Variants in NPC1 observed in about 807,000 individuals in gnomAD.
NPC1 encodes the protein Niemann-Pick C1 protein.
A neutral mutation model predicts 140.4 loss-of-function variants in NPC1; 85 were observed. The observed-to-expected ratio is 0.61, with a 90% CI of 0.51 to 0.72. NPC1 has a LOEUF of 0.72. Among genes scored for constraint, NPC1 ranks in the 30% least tolerant of loss-of-function variants. The pLI is 0.00. For synonymous variants in NPC1, 656 were observed against 624.8 expected (o/e 1.05, Z -0.74); for missense variants, 1,504 against 1,623.8 (o/e 0.93, Z 1.27).
chr18:23,582,022 C>T (rs1315315180), intron 1 of NPC1: 1 of 152,074 alleles, frequency 6.6e-6, no homozygotes, highest in African/African-American at 2.4e-5. Context: ...TTGTTTTGGA[C>T]TAGTCAAGTG....
intron 9 of NPC1, 55 bp from the exon 10 acceptor site, chr18:23,551,782 G>C: frequency 8.7e-7 from 1 of 1,153,636 alleles, no homozygotes; most frequent in Non-Finnish European, 1.3e-6. Flanking sequence ...AGACATCAGG[G>C]ACCTAAACAT....
chr18:23,557,761 A>G (rs575627843), intron 6 of NPC1, among the ~76,000 whole-genome samples: 125 of 152,136 alleles, frequency 8.2e-4, no homozygotes, highest in Non-Finnish European at 1.6e-3. Context: ...ACAAACAAAC[A>G]AAAACATGCT....
rs1289797529 is a variant in NPC1 at position 23,562,339 on chromosome 18, T to C, written c.464-812A>G. Reference sequence around the variant, plus strand: ...AAAACCCCTAATACTGTTATCTTTTTGGATTTTATTTTCTTACACATACAC... The same window carrying C: ...AAAACCCCTAATACTGTTATCTTTTCGGATTTTATTTTCTTACACATACAC... On this transcript the variant is annotated intron_variant, in intron 4 of 24. Transcript: ENST00000269228. Among the ~76,000 whole-genome samples the C allele has an allele frequency of 2.6e-5, 4 of 151,976 alleles. No individual in the cohort carries two copies. The East Asian group carries it at 7.7e-4, about 29-fold the overall frequency.
At position 23,533,226 on chromosome 18, in the gene NPC1, CAGTATCATTTATCA is replaced by C. The variant is rs1415956368; in HGVS notation, c.3754+115_3754+128del. ...TTCTTTTAGAAGAAATTTTTTTACTCAGTATCATTTATCATTATCAAATGACCATTAGTATGAGT... is the reference window on the plus strand; with the variant it reads ...TTCTTTTAGAAGAAATTTTTTTACTCTTATCAAATGACCATTAGTATGAGT... On this transcript the variant is annotated intron_variant, in intron 24 of 24. Transcript: ENST00000269228. 15 of 1,044,694 alleles carry C rather than the reference CAGTATCATTTATCA, an allele frequency of 1.4e-5. No individual in the cohort carries two copies. In the African/African-American group the frequency reaches 2.4e-4, roughly 17 times the overall value. 64.7% of individuals were successfully genotyped at this position (1,044,694 alleles called of 1,614,324 possible).
At chr18:23,543,418 C>T in intron 14 of NPC1, 37 bp downstream of exon 14, 1 of 1,162,396 alleles carries the variant, frequency 8.6e-7, no homozygotes, top group Non-Finnish European at 1.3e-6. Flanking sequence ...CCAGGCTCAG[C>T]AGACTACAGG....
chr18:23,541,179 G>T lies in NPC1; in HGVS notation c.2403C>A (p.Val801=), dbSNP rs2058708406. 6.2e-7 allele frequency: 1 copy of T among 1,614,076 alleles called. No homozygotes were observed. The highest frequency in any genetic ancestry group is 1.3e-5 in the African/African-American group (1 of 74,948). The change falls in exon 16 of 25, where the codon GTC becomes GTA. Residue 801 remains valine, a synonymous_variant. Transcript: ENST00000269228. ...CGCTTGTTCCATCTTCAGCACCTCT[G>T]ACACAGCAAAAGATGTCTAGCCGAT... The part of the protein sequence containing the change: ...EKNRLDIFCC[V]RGAEDGTSVQ...
intron 3 of NPC1, chr18:23,516,081 G>T: frequency 4.4e-6 from 7 of 1,586,290 alleles, no homozygotes; most frequent in South Asian, 1.1e-5. Context: ...GGCACGTTAG[G>T]GACAGGTTCC....
rs991001948 is a variant in NPC1 at position 23,532,092 on chromosome 18, G to A, written c.*110C>T. 18 of 1,612,242 alleles carry A rather than the reference G, an allele frequency of 1.1e-5. No individual in the cohort carries two copies. The highest frequency in any genetic ancestry group is 1.7e-4 in the Middle Eastern group (1 of 5,780). On this transcript the variant is annotated 3_prime_UTR_variant, in exon 25 of 25. Coordinates refer to ENST00000269228, the MANE Select transcript of NPC1 (RefSeq NM_000271.5). ...CGTTCAAAGCTGCTGCCAAACAACC[G>A]ATGGTTGGCACCATCCGGTGTTCAA...
rs1410662516 is a variant in NPC1, at chr18:23,534,467, T to C, written c.3570A>G (p.Ala1190=). Residue 1190 remains alanine (A), a synonymous_variant, in exon 23 of 25, where the codon GCA becomes GCG. Transcript: ENST00000269228. The part of the protein sequence containing the change: ...KGSRVERAEE[A]LAHMGSSVFS... ...TCACGGAGCTGCCCATGTGGGCAAGTGCCTCTTCCGCGCGCTCCACGCGGC... is the reference window on the plus strand; with the variant it reads ...TCACGGAGCTGCCCATGTGGGCAAGCGCCTCTTCCGCGCGCTCCACGCGGC... The C allele has an allele frequency of 6.2e-7, 1 of 1,613,720 alleles. No homozygotes were observed. Among genetic ancestry groups the C allele is most frequent in the Non-Finnish European group, 8.5e-7 (1 of 1,179,932 alleles).
chr18:23,572,262 C>T, intron 2 of NPC1, 82 bp from the exon 3 acceptor site: 1 of 878,574 alleles, frequency 1.1e-6, no homozygotes, highest in Admixed American at 1.8e-5. Context: ...AAGACACATT[C>T]ATTCATGTAA....
chr18:23,516,849 C>A (rs1426112654), intron 3 of NPC1, among the ~76,000 whole-genome samples: 1 of 151,810 alleles, frequency 6.6e-6, no homozygotes, highest in Non-Finnish European at 1.5e-5. Flanking sequence ...CTTCAGCCTC[C>A]CAAGTAGCTG....
chr18:23,582,000 A>G (rs1290740843), intron 1 of NPC1: 1 of 151,886 alleles, frequency 6.6e-6, no homozygotes, highest in Non-Finnish European at 1.5e-5. Context: ...TCTTTTTTTT[A>G]CTACTTACTT....
At chr18:23,542,765 T>A (rs2058729937) in intron 14 of NPC1, among the ~76,000 whole-genome samples, 1 of 152,190 alleles carries the variant, frequency 6.6e-6, no homozygotes, top group African/African-American at 2.4e-5. Context: ...GCCTGTGGAT[T>A]TGGGAGCTGC....
intron 24 of NPC1, chr18:23,532,981 T>C (rs909049053): frequency 9.2e-6 from 9 of 979,094 alleles, no homozygotes; most frequent in Middle Eastern, 1.0e-3. Context: ...ATGAGGGACA[T>C]AAAAAGCTGT....
intron 3 of NPC1, chr18:23,509,348 C>T (rs1241107380): frequency 1.3e-5 from 8 of 593,192 alleles, no homozygotes; most frequent in Non-Finnish European, 2.1e-5. Flanking sequence ...CTTTTGAATT[C>T]AGTACTGAAT....
At chr18:23,542,858 A>C (rs1198439372) in intron 14 of NPC1, among the ~76,000 whole-genome samples, 2 of 152,194 alleles carry the variant, frequency 1.3e-5, no homozygotes, top group Non-Finnish European at 2.9e-5. Context: ...GTGGCTACTA[A>C]AAGGGGAAAG....
downstream of NPC1, among the ~76,000 whole-genome samples, chr18:23,525,765 CCT>C (rs1194505572): frequency 6.6e-6 from 1 of 152,100 alleles, no homozygotes; most frequent in East Asian, 1.9e-4. Context: ...CCATGTTGCC[CCT>C]GTGTCTCTAA....
At chr18:23,543,072 A>C (rs1015372061) in intron 14 of NPC1, among the ~76,000 whole-genome samples, 8 of 152,228 alleles carry the variant, frequency 5.3e-5, no homozygotes, top group African/African-American at 7.2e-5. Flanking sequence ...TCACGCCTGT[A>C]ATCTCAGCAC....
chr18:23,536,888 A>C lies in NPC1; in HGVS notation c.3042-12T>G. On this transcript the variant is annotated splice_polypyrimidine_tract_variant and intron_variant, in intron 20 of 24. Coordinates refer to ENST00000269228, the MANE Select transcript of NPC1 (RefSeq NM_000271.5). ...AGGCAGCATGTCCCCTGAGGAAAGA[A>C]TCCTGGGTGTCAAGAGAGTCCAGGT... The C allele has an allele frequency of 6.2e-7, 1 of 1,610,784 alleles. No homozygotes were observed. The highest frequency in any genetic ancestry group is 1.3e-5 in the African/African-American group (1 of 74,978).
Sources: gnomAD v4.1 joint callset for allele counts (sites outside exome capture counted in the v4.1 genomes callset) on GRCh38, gnomAD v4.1.1 for gene constraint, MANE v1.5 for transcripts, NCBI Gene and HGNC (gene_info 2026-07-23, HGNC 2026-07-21) for gene names.